The following HIP1 variants were observed in gnomAD, a reference collection of about 807,000 sequenced individuals.
HIP1 encodes the protein huntingtin-interacting protein 1.
In HIP1, 65 loss-of-function variants were observed where a neutral mutation model predicts 147.6. That is an observed-to-expected ratio of 0.44 (90% CI 0.36 to 0.54). HIP1 has a LOEUF of 0.54. Among genes scored for constraint, HIP1 ranks in the 20% least tolerant of loss-of-function variants. The probability of loss-of-function intolerance (pLI) is 0.00; values close to 1 mark genes in which losing one functional copy is unlikely to be tolerated. For synonymous variants in HIP1, 479 were observed against 504.0 expected, an observed-to-expected ratio of 0.95 and a Z score of 0.67; for missense variants, 1,061 against 1,299.6, an observed-to-expected ratio of 0.82 and a Z score of 2.82.
intron 1 of HIP1, among the ~76,000 whole-genome samples, chr7:75,708,245 T>A (rs1433549743): frequency 6.6e-6 from 1 of 152,240 alleles, no homozygotes; most frequent in Non-Finnish European, 1.5e-5. Context: ...ATGATCTGGA[T>A]ATTAATCCTT....
At chr7:75,575,240 C>T (rs1422255761) in intron 7 of HIP1, among the ~76,000 whole-genome samples, 1 of 151,960 alleles carries the variant, frequency 6.6e-6, no homozygotes, top group Non-Finnish European at 1.5e-5. Context: ...GCGGGTGGAT[C>T]GCCTGAGGTC....
chr7:75,584,849 A>G (rs1461406846), intron 5 of HIP1, among the ~76,000 whole-genome samples: 1 of 132,142 alleles, frequency 7.6e-6, no homozygotes, highest in Non-Finnish European at 1.7e-5. Context: ...TCCATTTAAC[A>G]CTTTTTTTTT....
At chr7:75,648,363 T>G (rs1201772837) in intron 1 of HIP1, among the ~76,000 whole-genome samples, 1 of 151,172 alleles carries the variant, frequency 6.6e-6, no homozygotes, top group Non-Finnish European at 1.5e-5. Flanking sequence ...AGTAGCTGGG[T>G]CTGGTTGGAG....
Position 75,538,069 on chromosome 7 carries a change from G to A in HIP1, c.*103C>T. 1 of 902,278 alleles carries A rather than the reference G, an allele frequency of 1.1e-6. No homozygotes were observed. The highest frequency in any genetic ancestry group is 1.9e-6 in the Non-Finnish European group (1 of 532,444). 55.9% of individuals were successfully genotyped at this position (902,278 alleles called of 1,614,324 possible). A position where few individuals can be genotyped will look rare whatever the true frequency, so the allele number is the denominator to read the frequency against. ...CGGCACTGGGTAATGGCAGTGGTGT[G>A]GCTGCCCCTGGGACTCCAAGGATTT... On this transcript the variant is annotated 3_prime_UTR_variant, in exon 31 of 31. Transcript: ENST00000336926.
At chr7:75,685,413 C>G (rs537077696) in intron 1 of HIP1, among the ~76,000 whole-genome samples, 23 of 152,322 alleles carry the variant, frequency 1.5e-4, no homozygotes, top group African/African-American at 5.3e-4. Flanking sequence ...AATGGTATTG[C>G]GTGTGCTCCC....
At chr7:75,680,608 C>CT (rs11333812) in intron 1 of HIP1, among the ~76,000 whole-genome samples, 1 of 151,444 alleles carries the variant, frequency 6.6e-6, no homozygotes. Context: ...TAAAATATAA[C>CT]TTTTTTTTCT....
chr7:75,601,233 C>T (rs142633310), intron 1 of HIP1, among the ~76,000 whole-genome samples: 1 of 151,878 alleles, frequency 6.6e-6, no homozygotes, highest in Non-Finnish European at 1.5e-5. Context: ...TGGTATAGAC[C>T]CACGGATCAG....
chr7:75,670,560 TC>T (rs1799701992), intron 1 of HIP1, among the ~76,000 whole-genome samples: 1 of 151,860 alleles, frequency 6.6e-6, no homozygotes, highest in African/African-American at 2.4e-5. Context: ...ACTGAAACGG[TC>T]CCCATTAAAC....
chr7:75,564,483 G>A (rs1554495174), intron 9 of HIP1, among the ~76,000 whole-genome samples: 1 of 152,086 alleles, frequency 6.6e-6, no homozygotes, highest in Admixed American at 6.6e-5. Context: ...TAGTAGAGAT[G>A]GGGTTTCTCC....
chr7:75,621,022 G>A (rs1554507007), intron 1 of HIP1, among the ~76,000 whole-genome samples: 1 of 152,056 alleles, frequency 6.6e-6, no homozygotes, highest in African/African-American at 2.4e-5. Flanking sequence ...TTGAGACCAG[G>A]AGCTTGAGAA....
At chr7:75,729,141 T>A (rs1480350639) in intron 1 of HIP1, among the ~76,000 whole-genome samples, 15 of 121,254 alleles carry the variant, frequency 1.2e-4, no homozygotes, top group Non-Finnish European at 1.2e-4. Context: ...AACAAGTGAA[T>A]AAAAATAAGA....
At chr7:75,542,690 C>A (rs1563189037) in intron 28 of HIP1, among the ~76,000 whole-genome samples, 161 bp downstream of exon 28, 1 of 151,946 alleles carries the variant, frequency 6.6e-6, no homozygotes. Flanking sequence ...CAGAGTGAGA[C>A]CCTGTCTCAA....
At position 75,568,871 on chromosome 7, in the gene HIP1, C is replaced by T. The variant is rs150295240; in HGVS notation, c.746-615G>A. Among the ~76,000 whole-genome samples, 794 of 152,270 alleles carry T rather than the reference C, an allele frequency of 5.2e-3. 3 individuals are homozygous for T. The highest frequency in any genetic ancestry group is 8.9e-3 in the Admixed American group (136 of 15,292). On this transcript the variant is annotated intron_variant, in intron 8 of 30. Coordinates refer to ENST00000336926, the MANE Select transcript of HIP1 (RefSeq NM_005338.7). The surrounding 1 kb of genome is among the most constrained non-coding windows in gnomAD (Gnocchi z 4.1). ...TAAAAATACAGAAATTAGCCGGGCG[C>T]GGTGGCATGCGCCTGTAATCCCAGC... is the stretch of plus-strand genomic sequence containing the variant.
chr7:75,735,184 C>CAG (rs1302061605), intron 1 of HIP1, among the ~76,000 whole-genome samples: 9 of 152,192 alleles, frequency 5.9e-5, no homozygotes, highest in Non-Finnish European at 1.3e-4. Flanking sequence ...GACAACTTCC[C>CAG]AGAGACCACA....
At chr7:75,727,466 T>C (rs1801688395) in intron 1 of HIP1, among the ~76,000 whole-genome samples, 2 of 151,964 alleles carry the variant, frequency 1.3e-5, no homozygotes, top group African/African-American at 4.8e-5. Context: ...ATATTCTGGA[T>C]ATAGGCCCTT....
At chr7:75,656,486 T>C (rs532284529) in intron 1 of HIP1, among the ~76,000 whole-genome samples, 15 of 152,236 alleles carry the variant, frequency 9.9e-5, no homozygotes, top group Non-Finnish European at 1.9e-4. Context: ...GAAGATCTTT[T>C]TGATTTTTGA....
chr7:75,700,660 C>T lies in HIP1; in HGVS notation c.120+38141G>A, dbSNP rs145437511. On this transcript the variant is annotated intron_variant, in intron 1 of 30. Transcript: ENST00000336926. ...AAAGACAACACCTGAGGAAAACCAA[C>T]GAGAAGGGGACAGAAACGTCTCCTG... Among the ~76,000 whole-genome samples the T allele has an allele frequency of 1.4e-3, 217 of 151,874 alleles. 1 individual carries two copies. The highest frequency in any genetic ancestry group is 5.2e-3 in the African/African-American group (214 of 41,392).
At chr7:75,569,088 A>G (rs2116870807) in intron 8 of HIP1, among the ~76,000 whole-genome samples, 1 of 152,256 alleles carries the variant, frequency 6.6e-6, no homozygotes, top group East Asian at 1.9e-4. Context: ...CACTGCACAC[A>G]CCAGTAACCT....
At chr7:75,737,004 C>G (rs545169639) in intron 1 of HIP1, among the ~76,000 whole-genome samples, 6 of 152,198 alleles carry the variant, frequency 3.9e-5, no homozygotes, top group Admixed American at 3.3e-4. Flanking sequence ...CCCACTGCAG[C>G]CTCAGCCTCC....
Sources: gnomAD v4.1 joint callset for allele counts (sites outside exome capture counted in the v4.1 genomes callset) on GRCh38, gnomAD v4.1.1 for gene constraint, Gnocchi (gnomAD v3.1) non-coding constraint, MANE v1.5 for transcripts, NCBI Gene and HGNC (gene_info 2026-07-23, HGNC 2026-07-21) for gene names.